The following GALNT9 variants were observed in gnomAD, a reference collection of about 807,000 sequenced individuals.
The protein encoded by GALNT9 is GalNAc transferase 9.
A neutral mutation model predicts 63.1 loss-of-function variants in GALNT9; 47 were observed. That is an observed-to-expected ratio of 0.75 (90% CI 0.59 to 0.95). The LOEUF (loss-of-function observed/expected upper bound fraction) is 0.95, where lower values mean the gene tolerates loss of function less well. Ranked by LOEUF, GALNT9 falls within the 40% of genes least tolerant of loss-of-function variation. The pLI, the probability that GALNT9 is intolerant of heterozygous loss-of-function variation, is 0.00. For missense variants in GALNT9, 829 were observed against 874.8 expected (o/e 0.95, Z 0.66); for synonymous variants, 396 against 365.7 (o/e 1.08, Z -0.94).
intron 6 of GALNT9, among the ~76,000 whole-genome samples, chr12:132,214,981 G>A (rs1193229298): frequency 1.3e-5 from 2 of 152,250 alleles, no homozygotes; most frequent in Non-Finnish European, 2.9e-5. Context: ...AAGCCAGCGT[G>A]AGGCTGTGAG....
At chr12:132,218,043 C>T (rs1248119643) in intron 6 of GALNT9, among the ~76,000 whole-genome samples, 1 of 151,788 alleles carries the variant, frequency 6.6e-6, no homozygotes. Flanking sequence ...CTCCCACCCA[C>T]TCATCCAGCC....
rs113442882 is a variant in GALNT9 at position 132,252,159 on chromosome 12, T to C, written c.960-4132A>G. Among the ~76,000 whole-genome samples, 781 of 152,264 alleles carry C rather than the reference T, an allele frequency of 5.1e-3. 2 individuals are homozygous for C. Among genetic ancestry groups the C allele is most frequent in the African/African-American group, 0.017 (715 of 41,538 alleles). ...CAGCCACCTCCACAGGCCCAGGCAG[T>C]GAGGCCACACTCCTGCCTAGGACTG... is the stretch of plus-strand genomic sequence containing the variant. On this transcript the variant is annotated intron_variant, in intron 5 of 10. Coordinates refer to ENST00000328957, the MANE Select transcript of GALNT9 (RefSeq NM_001122636.2). The surrounding 1 kb of genome is among the most constrained non-coding windows in gnomAD (Gnocchi z 5.2).
chr12:132,250,454 G>C (rs1878869882), intron 5 of GALNT9, among the ~76,000 whole-genome samples: 1 of 152,194 alleles, frequency 6.6e-6, no homozygotes, highest in African/African-American at 2.4e-5. Context: ...TTCACCAATG[G>C]CCCATTGAGT....
At chr12:132,233,148 C>T (rs1877910288) in intron 6 of GALNT9, among the ~76,000 whole-genome samples, 1 of 61,158 alleles carries the variant, frequency 1.6e-5, no homozygotes, top group Non-Finnish European at 3.0e-5. Flanking sequence ...CATGGGGCGA[C>T]AGGAGACAGC....
At chr12:132,283,980 G>A (rs896780529) in intron 2 of GALNT9, 1 of 152,152 alleles carries the variant, frequency 6.6e-6, no homozygotes, top group African/African-American at 2.4e-5. Flanking sequence ...AGCCAAGAAC[G>A]GTGCTCACTC....
intron 6 of GALNT9, among the ~76,000 whole-genome samples, chr12:132,210,163 C>T (rs1876891131): frequency 6.6e-6 from 1 of 152,130 alleles, no homozygotes; most frequent in Admixed American, 6.5e-5. Context: ...TCCCTGGGGC[C>T]CGTCGTCTGC....
intron 6 of GALNT9, among the ~76,000 whole-genome samples, chr12:132,212,049 C>G (rs1000334596): frequency 6.6e-6 from 1 of 152,222 alleles, no homozygotes; most frequent in Non-Finnish European, 1.5e-5. Flanking sequence ...CAGGCAGGCC[C>G]CACCCAGCCA....
chr12:132,215,491 C>T (rs1034841815), intron 6 of GALNT9, among the ~76,000 whole-genome samples: 3 of 152,236 alleles, frequency 2.0e-5, no homozygotes, highest in Non-Finnish European at 2.9e-5. Context: ...CCAGGGAGGG[C>T]GTGCTTCCTC....
intron 6 of GALNT9, among the ~76,000 whole-genome samples, chr12:132,230,861 G>A (rs914778433): frequency 5.3e-5 from 8 of 152,206 alleles, no homozygotes; most frequent in South Asian, 4.1e-4. Flanking sequence ...AGACCACACC[G>A]CAGGCCACTG....
rs563918925 is a variant in GALNT9 at position 132,310,252 on chromosome 12, C to T, written c.238+18714G>A. Among the ~76,000 whole-genome samples the T allele has an allele frequency of 4.6e-5, 7 of 152,254 alleles. No individual in the cohort carries two copies. The highest frequency in any genetic ancestry group is 4.1e-4 in the South Asian group (2 of 4,824). ...GTGCCACCAGCCCTCCAGGTCTCAC[C>T]GGCCACACCGCGGTTCGGCATTTCA... On this transcript the variant is annotated intron_variant, in intron 1 of 10. Transcript: ENST00000328957. This position sits in a 1 kb window ranked among gnomAD's most constrained non-coding sequence, Gnocchi z 4.8.
At position 132,310,822 on chromosome 12, in the gene GALNT9, G is replaced by C. The variant is rs1351363168; in HGVS notation, c.238+18144C>G. Among the ~76,000 whole-genome samples, 1 of 152,194 alleles carries C rather than the reference G, an allele frequency of 6.6e-6. No homozygotes were observed. On this transcript the variant is annotated intron_variant, in intron 1 of 10. Transcript: ENST00000328957. This position sits in a 1 kb window ranked among gnomAD's most constrained non-coding sequence, Gnocchi z 4.8. ...ACGCAAAGAGGAACTAGGTGTGGCT[G>C]TGGCCTGAGGGAGGTGATCCCCAAA...
chr12:132,201,680 T>A (rs1593462556), intron 7 of GALNT9, among the ~76,000 whole-genome samples: 1 of 152,188 alleles, frequency 6.6e-6, no homozygotes, highest in Non-Finnish European at 1.5e-5. Context: ...ATACTGAGGC[T>A]TGGGGGCTCC....
chr12:132,317,681 C>A (rs1023971842), intron 1 of GALNT9, among the ~76,000 whole-genome samples: 17 of 152,208 alleles, frequency 1.1e-4, no homozygotes, highest in African/African-American at 3.6e-4. Flanking sequence ...GGTGGCCAGA[C>A]CCCCCTCGCT....
chr12:132,325,366 A>G (rs1348066810), intron 1 of GALNT9, among the ~76,000 whole-genome samples: 1 of 152,238 alleles, frequency 6.6e-6, no homozygotes, highest in Non-Finnish European at 1.5e-5. Context: ...CCAGGACCAG[A>G]CAGACACAGC....
chr12:132,228,412 G>A (rs1023557481), intron 6 of GALNT9, among the ~76,000 whole-genome samples: 10 of 135,514 alleles, frequency 7.4e-5, no homozygotes, highest in East Asian at 2.0e-4. Context: ...AGGGCGGCCC[G>A]TCAGCACCTC....
chr12:132,257,914 C>T (rs114430035), intron 4 of GALNT9, 28 bp from the exon 5 acceptor site: 34,539 of 1,442,660 alleles, frequency 0.024, 461 homozygotes, highest in Non-Finnish European at 0.028. Context: ...TGAGGAGGGG[C>T]GGCCCCAGCC....
chr12:132,239,454 G>A (rs1224014090), intron 6 of GALNT9, among the ~76,000 whole-genome samples: 9 of 106,368 alleles, frequency 8.5e-5, no homozygotes, highest in South Asian at 6.3e-4. Context: ...AGACAGAGAG[G>A]CAGAGAGAGA....
intron 1 of GALNT9, among the ~76,000 whole-genome samples, chr12:132,314,043 A>T (rs1432510063): frequency 2.3e-5 from 1 of 43,668 alleles, no homozygotes; most frequent in African/African-American, 6.8e-5. Context: ...TCACCCACCC[A>T]TCCACACATC....
chr12:132,209,881 G>A (rs1026542108), intron 6 of GALNT9, among the ~76,000 whole-genome samples: 5 of 152,172 alleles, frequency 3.3e-5, no homozygotes, highest in African/African-American at 9.7e-5. Context: ...AGCAGCCCTG[G>A]GGGCCACTCT....
Sources: gnomAD v4.1 joint callset for allele counts (sites outside exome capture counted in the v4.1 genomes callset) on GRCh38, gnomAD v4.1.1 for gene constraint, Gnocchi (gnomAD v3.1) non-coding constraint, MANE v1.5 for transcripts, NCBI Gene and HGNC (gene_info 2026-07-23, HGNC 2026-07-21) for gene names.